VNN2: variants seen among roughly 807,000 people sequenced by gnomAD.
VNN2 encodes vanin 2.
In VNN2, 43 loss-of-function variants were observed where a neutral mutation model predicts 43.0. That is an observed-to-expected ratio of 1.00 (90% CI 0.78 to 1.29). The LOEUF (loss-of-function observed/expected upper bound fraction) is 1.29, where lower values mean the gene tolerates loss of function less well. Ranked by LOEUF, VNN2 falls within the 50% of genes most tolerant of loss-of-function variation. The pLI is 0.00. For synonymous variants in VNN2, 230 were observed against 224.3 expected (o/e 1.03, Z -0.23); for missense variants, 652 against 619.7 (o/e 1.05, Z -0.55).
At chr6:132,757,650 T>C (rs1031730907) in intron 1 of VNN2, 21 bp downstream of exon 1, 1 of 1,612,232 alleles carries the variant, frequency 6.2e-7, no homozygotes, top group Non-Finnish European at 8.5e-7. Flanking sequence ...TACATTATGA[T>C]TAACAGAAAT....
upstream of VNN2, chr6:132,758,000 T>TCTTCTTCTTCTTCTTCTTCTTC: frequency 3.0e-6 from 1 of 336,150 alleles, no homozygotes; most frequent in African/African-American, 3.6e-5. Flanking sequence ...TATCATCATT[T>TCTTCTTCTTCTTCTTCTTCTTC]TTCTTCTTCT....
At chr6:132,762,227 T>C (rs573671108), upstream of VNN2, among the ~76,000 whole-genome samples, 2 of 152,318 alleles carry the variant, frequency 1.3e-5, no homozygotes, top group Non-Finnish European at 2.9e-5. Flanking sequence ...GGAGAGGAGC[T>C]GCTCCAGGCT....
intron 6 of VNN2, among the ~76,000 whole-genome samples, chr6:132,745,879 A>C (rs191101681): frequency 4.1e-4 from 62 of 152,366 alleles, no homozygotes; most frequent in African/African-American, 1.4e-3. Context: ...GTGGAAATGG[A>C]GTTGGAATGG....
At chr6:132,760,891 C>A (rs1356186615), upstream of VNN2, 1 of 152,058 alleles carries the variant, frequency 6.6e-6, no homozygotes, top group African/African-American at 2.4e-5. Context: ...GATATAAAAT[C>A]AAGATGACTA....
upstream of VNN2, chr6:132,757,948 T>A: frequency 1.5e-6 from 2 of 1,375,450 alleles, no homozygotes; most frequent in Non-Finnish European, 2.0e-6. Context: ...GAGGGGAGAA[T>A]GTTTGCATAA....
upstream of VNN2, among the ~76,000 whole-genome samples, chr6:132,761,262 T>C (rs963193756): frequency 2.6e-5 from 4 of 152,060 alleles, no homozygotes; most frequent in African/African-American, 7.2e-5. Flanking sequence ...TAAAAGAGCC[T>C]ACTTCCTAAT....
rs530773849 is a variant in VNN2 at position 132,745,151 on chromosome 6, G to C, written c.1372-660C>G. Reference sequence around the variant, plus strand: ...GTGTGCTGGAGCTAGTGGTGCACAGGCTCATGAGAACAGATTGTTAAATTT... The same window carrying C: ...GTGTGCTGGAGCTAGTGGTGCACAGCCTCATGAGAACAGATTGTTAAATTT... On this transcript the variant is annotated intron_variant, in intron 6 of 6. Transcript: ENST00000326499. Among the ~76,000 whole-genome samples, 12 of 152,242 alleles carry C rather than the reference G, an allele frequency of 7.9e-5. No homozygotes were observed. In the South Asian group the frequency reaches 2.3e-3, roughly 29 times the overall value.
chr6:132,753,630 G>A (rs1034642476), intron 3 of VNN2: 1 of 291,006 alleles, frequency 3.4e-6, no homozygotes, highest in East Asian at 8.7e-5. Context: ...CTAAAAAATA[G>A]AAAAGAAATT....
intron 3 of VNN2, 50 bp from the exon 4 acceptor site, chr6:132,752,799 A>C: frequency 6.4e-7 from 1 of 1,554,810 alleles, no homozygotes; most frequent in Non-Finnish European, 8.7e-7. Context: ...TTGTTGAAGA[A>C]ATGACTCATA....
rs754152377 is a variant in VNN2 at position 132,751,498 on chromosome 6, T to C, written c.847A>G (p.Asn283Asp). The change falls in exon 5 of 7, where the codon AAT (asparagine) becomes GAT (aspartate). Residue 283 changes from asparagine to aspartate, a missense_variant. By Grantham distance (23) the Asn-to-Asp change is conservative. Transcript: ENST00000326499. ...NMTGSGIYAP[N>D]GPKVYHYDMK... is the part of the protein sequence containing the mutation. ...TCATAATGATACACTTTGGGACCAT[T>C]TGGTGCATAAATACCACTTCCTGTG... 1.2e-6 allele frequency: 2 copies of C among 1,611,124 alleles called. No individual in the cohort carries two copies. The highest frequency in any genetic ancestry group is 2.2e-5 in the South Asian group (2 of 90,700).
upstream of VNN2, among the ~76,000 whole-genome samples, chr6:132,759,376 C>T (rs34317657): frequency 0.027 from 3,843 of 141,280 alleles, 162 homozygotes; most frequent in African/African-American, 0.098. Context: ...GAGGCAGAGG[C>T]TGCAGTGAGC....
chr6:132,757,546 C>T lies in VNN2; in HGVS notation c.214G>A (p.Gly72Ser). 6.2e-7 allele frequency: 1 copy of T among 1,612,910 alleles called. No individual in the cohort carries two copies. Among genetic ancestry groups the T allele is most frequent in the Non-Finnish European group, 8.5e-7 (1 of 1,179,628 alleles). ...TCTGGAGTCACAATGATTCGAGCAC[C>T]CTGTTCAAAACAAGCAAAATAAAAA... ...ETAIKQAAEQ[G>S]ARIIVTPEDA... Residue 72 changes from glycine to serine, a missense_variant and splice_region_variant, in exon 2 of 7, where the codon GGT becomes AGT. Physicochemically the swap from Gly to Ser is moderately conservative, Grantham distance 56. Coordinates refer to ENST00000326499, the MANE Select transcript of VNN2 (RefSeq NM_004665.6).
intron 6 of VNN2, among the ~76,000 whole-genome samples, chr6:132,747,867 A>G (rs919983897): frequency 2.6e-5 from 4 of 152,200 alleles, no homozygotes; most frequent in African/African-American, 9.7e-5. Flanking sequence ...GTTCAGAGTA[A>G]GAGTGAAATG....
intron 5 of VNN2, among the ~76,000 whole-genome samples, chr6:132,750,507 A>ATGTGTGTG (rs1275870292): frequency 7.2e-6 from 1 of 138,688 alleles, no homozygotes; most frequent in African/African-American, 2.6e-5. Context: ...GTATATATAT[A>ATGTGTGTG]TATATATTTT....
chr6:132,759,182 A>G (rs1282540924), upstream of VNN2, among the ~76,000 whole-genome samples: 1 of 152,154 alleles, frequency 6.6e-6, no homozygotes, highest in Non-Finnish European at 1.5e-5. Flanking sequence ...CATGCCTGTA[A>G]TCCTAGCACT....
At chr6:132,750,406 G>A (rs184586172) in intron 5 of VNN2, among the ~76,000 whole-genome samples, 92 of 151,610 alleles carry the variant, frequency 6.1e-4, no homozygotes, top group African/African-American at 2.1e-3. Flanking sequence ...TTGGGAGGCC[G>A]AGGCAGTCGG....
In VNN2 at chr6:132,752,631, G is replaced by C; in HGVS notation, c.656C>G (p.Pro219Arg). ...FTCFDIFFYD[P>R]GVTLVKDFHV... Reference sequence around the variant, plus strand: ...GAAATCTTTCACCAGGGTAACACCAGGATCATAGAAGAATATATCAAAGCA... The same window carrying C: ...GAAATCTTTCACCAGGGTAACACCACGATCATAGAAGAATATATCAAAGCA... Residue 219 changes from proline to arginine, a missense_variant, in exon 4 of 7, where the codon CCT becomes CGT. Physicochemically the swap from Pro to Arg is moderately radical, Grantham distance 103 (BLOSUM62 -2). Coordinates refer to ENST00000326499, the MANE Select transcript of VNN2 (RefSeq NM_004665.6). 6.2e-7 allele frequency: 1 copy of C among 1,614,128 alleles called. No individual in the cohort carries two copies. Among genetic ancestry groups the C allele is most frequent in the Non-Finnish European group, 8.5e-7 (1 of 1,180,022 alleles).
intron 6 of VNN2, among the ~76,000 whole-genome samples, chr6:132,745,844 A>T (rs1779684408): frequency 6.6e-6 from 1 of 152,240 alleles, no homozygotes; most frequent in Non-Finnish European, 1.5e-5. Flanking sequence ...CAGAACAAGA[A>T]TAAAAGAAAA....
At chr6:132,756,865 C>T (rs930750577) in intron 2 of VNN2, among the ~76,000 whole-genome samples, 3 of 152,170 alleles carry the variant, frequency 2.0e-5, no homozygotes, top group Non-Finnish European at 4.4e-5. Context: ...GCAACTGCCA[C>T]GTTGACACCT....
Sources: gnomAD v4.1 joint callset for allele counts (sites outside exome capture counted in the v4.1 genomes callset) on GRCh38, gnomAD v4.1.1 for gene constraint, MANE v1.5 for transcripts, NCBI Gene and HGNC (gene_info 2026-07-23, HGNC 2026-07-21) for gene names.